Variants in RP1L1 observed in about 807,000 individuals in gnomAD.
RP1L1 encodes the protein RP1 like 1.
Under a neutral mutation model 15.7 loss-of-function variants are expected in RP1L1, and 27 were observed. The observed-to-expected ratio is 1.72, with a 90% CI of 1.27 to 2.38. RP1L1 has a LOEUF of 2.38. RP1L1 is among the 30% of genes most tolerant of loss of function. The probability of loss-of-function intolerance (pLI) is 0.00; values close to 1 mark genes in which losing one functional copy is unlikely to be tolerated. For synonymous variants in RP1L1, 1,813 were observed against 1,276.7 expected, an observed-to-expected ratio of 1.42 and a Z score of -8.96; for missense variants, 4,798 against 3,075.9, an observed-to-expected ratio of 1.56 and a Z score of -13.24.
rs369922726 is a variant in RP1L1 at position 10,613,235 on chromosome 8, G to T, written c.863C>A (p.Ala288Asp). The T allele has an allele frequency of 6.2e-7, 1 of 1,612,978 alleles. No individual in the cohort carries two copies. Among genetic ancestry groups the T allele is most frequent in the Non-Finnish European group, 8.5e-7 (1 of 1,180,028 alleles). ...CGTGTCCTGAGGGTGCCTGCCAGGA[G>T]CAGGGCCCACCGGGGGGTTGCTAGG... is the stretch of plus-strand genomic sequence containing the variant. ...PGPSNPPVGP[A>D]PGRHPQDTPA... The change falls in exon 4 of 4, where the codon GCT (alanine) becomes GAT (aspartate). Residue 288 changes from alanine to aspartate, a missense_variant. Transcript: ENST00000382483.
intron 1 of RP1L1, among the ~76,000 whole-genome samples, chr8:10,645,385 G>A (rs867578329): frequency 6.6e-6 from 1 of 152,146 alleles, no homozygotes; most frequent in Non-Finnish European, 1.5e-5. Flanking sequence ...TGGAAAGAAT[G>A]AGGGACACAT....
In RP1L1 at chr8:10,616,545, C is replaced by A. The variant is rs77679870; in HGVS notation, c.652G>T (p.Val218Leu). 206 of 1,614,050 alleles carry A rather than the reference C, an allele frequency of 1.3e-4. No homozygotes were observed. The African/African-American group carries it at 2.6e-3, about 20-fold the overall frequency. Residue 218 changes from valine (V) to leucine (L), a missense_variant, in exon 3 of 4, where the codon GTG becomes TTG. Val to Leu is a conservative substitution (Grantham distance 32). Transcript: ENST00000382483. Reference protein sequence around the residue: ...QALLHSPSVLVCAGHEAFRTP... With the variant: ...QALLHSPSVLLCAGHEAFRTP... The stretch of plus-strand genomic sequence containing the variant: ...CTGAAGGCCTCATGCCCGGCACACA[C>A]CAGCACAGAGGGGCTGTGCAGCAGG...
chr8:10,627,826 G>A (rs1173821825), intron 1 of RP1L1, among the ~76,000 whole-genome samples: 1 of 152,136 alleles, frequency 6.6e-6, no homozygotes, highest in Non-Finnish European at 1.5e-5. Context: ...GTTCTGGGCA[G>A]TAAATTCAGA....
rs536391715 is a variant in RP1L1, at chr8:10,649,754, C to T, written c.-20+5144G>A. ...GAATTAGCTGGAAATTCTGCTGGGGCCCCTTTCTGGCTGTGCTTCCGGCTC... is the reference window on the plus strand; with the variant it reads ...GAATTAGCTGGAAATTCTGCTGGGGTCCCTTTCTGGCTGTGCTTCCGGCTC... On this transcript the variant is annotated intron_variant, in intron 1 of 3. Coordinates refer to ENST00000382483, the MANE Select transcript of RP1L1 (RefSeq NM_178857.6). Among the ~76,000 whole-genome samples, 3 of 152,280 alleles carry T rather than the reference C, an allele frequency of 2.0e-5. No individual in the cohort carries two copies. In the South Asian group the frequency reaches 6.2e-4, roughly 32 times the overall value.
Position 10,608,585 on chromosome 8 carries a change from G to A in RP1L1, c.5513C>T (p.Pro1838Leu), listed in dbSNP as rs756931756. 1.2e-5 allele frequency: 19 copies of A among 1,613,382 alleles called. No individual in the cohort carries two copies. Among genetic ancestry groups the A allele is most frequent in the East Asian group, 6.7e-5 (3 of 44,840 alleles). Residue 1838 changes from proline (P) to leucine (L), a missense_variant, in exon 4 of 4, where the codon CCG (proline) becomes CTG (leucine). Pro to Leu is a moderately conservative substitution (Grantham distance 98). Coordinates refer to ENST00000382483, the MANE Select transcript of RP1L1 (RefSeq NM_178857.6). Reference protein sequence around the residue: ...QSDGAEGIEAPEAEGEAQPES... With the variant: ...QSDGAEGIEALEAEGEAQPES... The stretch of plus-strand genomic sequence containing the variant: ...TGGCTGGGCCTCCCCTTCAGCCTCC[G>A]GGGCCTCTATGCCTTCGGCCCCATC...
chr8:10,622,964 A>T lies in RP1L1; in HGVS notation c.238T>A (p.Ser80Thr), dbSNP rs369432657. 4 of 1,614,034 alleles carry T rather than the reference A, an allele frequency of 2.5e-6. No homozygotes were observed. The highest frequency in any genetic ancestry group is 3.4e-6 in the Non-Finnish European group (4 of 1,180,006). ...QRVPLSFGVR[S>T]VTTPRGLHSL... ...TGCAGGCCCCGGGGTGTGGTGACAG[A>T]GCGCACCCCAAAGGAGAGAGGCACG... Residue 80 changes from serine to threonine, a missense_variant, in exon 2 of 4, where the codon TCT (serine) becomes ACT (threonine). Coordinates refer to ENST00000382483, the MANE Select transcript of RP1L1 (RefSeq NM_178857.6).
At chr8:10,621,495 T>G in intron 2 of RP1L1, 1 of 317,196 alleles carries the variant, frequency 3.2e-6, no homozygotes, top group South Asian at 2.5e-5. Flanking sequence ...CTGGCTAATT[T>G]TTGTATTTTT....
rs1585955342 is a variant in RP1L1 at position 10,606,661 on chromosome 8, G to T, written c.*234C>A. 1 of 638,358 alleles carries T rather than the reference G, an allele frequency of 1.6e-6. No homozygotes were observed. Among genetic ancestry groups the T allele is most frequent in the Non-Finnish European group, 2.6e-6 (1 of 384,610 alleles). 39.5% of individuals were successfully genotyped at this position (638,358 alleles called of 1,614,324 possible). On this transcript the variant is annotated 3_prime_UTR_variant, in exon 4 of 4. Transcript: ENST00000382483. The stretch of plus-strand genomic sequence containing the variant: ...TGACCTCCGATAACCGGGCAGATCC[G>T]CAGACACCCCCTTTCTTCACACTGC...
chr8:10,616,684 C>T lies in RP1L1; in HGVS notation c.610-97G>A. 4 of 1,382,822 alleles carry T rather than the reference C, an allele frequency of 2.9e-6. No homozygotes were observed. In the South Asian group the frequency reaches 4.2e-5, roughly 15 times the overall value. 85.7% of individuals were successfully genotyped at this position (1,382,822 alleles called of 1,614,324 possible). The stretch of plus-strand genomic sequence containing the variant: ...AAGGATCCAGTCTCACCAGCCCTGT[C>T]CTGATTTCTGCACATCTCACCCCAG... On this transcript the variant is annotated intron_variant, in intron 2 of 3. Coordinates refer to ENST00000382483, the MANE Select transcript of RP1L1 (RefSeq NM_178857.6).
At chr8:10,644,365 G>C (rs1007049343) in intron 1 of RP1L1, among the ~76,000 whole-genome samples, 5 of 152,056 alleles carry the variant, frequency 3.3e-5, no homozygotes, top group African/African-American at 1.2e-4. Context: ...GACCCTACAG[G>C]AAGGCTTCCA....
At chr8:10,633,648 T>A (rs1471707711) in intron 1 of RP1L1, among the ~76,000 whole-genome samples, 1 of 152,022 alleles carries the variant, frequency 6.6e-6, no homozygotes, top group East Asian at 1.9e-4. Context: ...GTGGTCATCA[T>A]TTGAGTCCAC....
rs80094376 is a variant in RP1L1 at position 10,609,192 on chromosome 8, C to T, written c.4906G>A (p.Glu1636Lys). 5.0e-4 allele frequency: 811 copies of T among 1,611,860 alleles called. 2 individuals carry two copies. In the African/African-American group the frequency reaches 9.2e-3, roughly 18 times the overall value. ...LGPLSFTLED[E>K]PALSTALGSQ... Reference sequence around the variant, plus strand: ...CCCAGGGCTGTGCTGAGGGCTGGCTCGTCCTCCAGGGTGAAGGAGAGGGGC... The same window carrying T: ...CCCAGGGCTGTGCTGAGGGCTGGCTTGTCCTCCAGGGTGAAGGAGAGGGGC... The change falls in exon 4 of 4, where the codon GAG becomes AAG. Residue 1636 changes from glutamate to lysine, a missense_variant. Coordinates refer to ENST00000382483, the MANE Select transcript of RP1L1 (RefSeq NM_178857.6).
At position 10,611,419 on chromosome 8, in the gene RP1L1, G is replaced by T. The variant is rs777038067; in HGVS notation, c.2679C>A (p.Arg893=). ...CTGGGGACGGCGTGGGGCCTGGCTG[G>T]CGTGTCCCCTCCTGCGGGCTCCCAC... ...GPGGSPQEGT[R]QPGPTPSPGP... Residue 893 remains arginine, a synonymous_variant, in exon 4 of 4, where the codon CGC becomes CGA. Coordinates refer to ENST00000382483, the MANE Select transcript of RP1L1 (RefSeq NM_178857.6). 6 of 1,588,724 alleles carry T rather than the reference G, an allele frequency of 3.8e-6. No individual in the cohort carries two copies. Among genetic ancestry groups the T allele is most frequent in the South Asian group, 3.4e-5 (3 of 88,846 alleles).
chr8:10,610,781 G>A lies in RP1L1; in HGVS notation c.3317C>T (p.Pro1106Leu), dbSNP rs777915917. 15 of 1,612,448 alleles carry A rather than the reference G, an allele frequency of 9.3e-6. No homozygotes were observed. The highest frequency in any genetic ancestry group is 1.1e-5 in the South Asian group (1 of 91,082). Residue 1106 changes from proline (P) to leucine (L), a missense_variant, in exon 4 of 4, where the codon CCC (proline) becomes CTC (leucine). Transcript: ENST00000382483. ...RPSSVPEVSR[P>L]MARRLSCSAG... ...TGAGCAGCTGAGCCTCCTGGCCATG[G>A]GCCTAGACACTTCGGGCACGCTGCT...
At chr8:10,651,755 TAAAAAAAAA>T (rs56269757) in intron 1 of RP1L1, among the ~76,000 whole-genome samples, 1 of 101,760 alleles carries the variant, frequency 9.8e-6, no homozygotes, top group African/African-American at 3.8e-5. Context: ...GACTCCGTCT[TAAAAAAAAA>T]AAAAAAAAAA....
intron 1 of RP1L1, among the ~76,000 whole-genome samples, chr8:10,636,268 C>T (rs566719825): frequency 4.6e-5 from 7 of 152,226 alleles, no homozygotes; most frequent in Non-Finnish European, 8.8e-5. Flanking sequence ...CATCTGGGGC[C>T]GGTGACTCTT....
At chr8:10,614,593 G>A (rs1314688665) in intron 3 of RP1L1, among the ~76,000 whole-genome samples, 6 of 151,058 alleles carry the variant, frequency 4.0e-5, no homozygotes, top group South Asian at 2.1e-4. Context: ...CCCGAGAGGC[G>A]GAGGTTGCAG....
intron 1 of RP1L1, among the ~76,000 whole-genome samples, chr8:10,653,919 C>A (rs554282366): frequency 1.3e-5 from 2 of 152,188 alleles, no homozygotes; most frequent in Admixed American, 1.3e-4. Flanking sequence ...CTCCCGCGAC[C>A]TCCTCCAAGC....
intron 1 of RP1L1, among the ~76,000 whole-genome samples, chr8:10,638,023 G>C (rs556692101): frequency 6.6e-6 from 1 of 152,220 alleles, no homozygotes; most frequent in Admixed American, 6.5e-5. Flanking sequence ...GGTGGCTTGC[G>C]AGACCAGAGC....
Sources: allele counts gnomAD v4.1 joint callset (sites outside exome capture counted in the v4.1 genomes callset), GRCh38; gene constraint gnomAD v4.1.1; transcripts MANE v1.5; gene names NCBI Gene and HGNC (gene_info 2026-07-23, HGNC 2026-07-21).